ZMYND11: variants seen among roughly 807,000 people sequenced by gnomAD.
ZMYND11 encodes the protein zinc finger MYND domain-containing protein 11.
ZMYND11 carries 9 observed loss-of-function variants against 84.9 expected under a neutral mutation model. The ratio of observed to expected loss-of-function variants is 0.11; its 90% CI spans 0.06 to 0.18. ZMYND11 has a LOEUF of 0.18. Ranked by LOEUF, ZMYND11 falls within the 10% of genes least tolerant of loss-of-function variation. ZMYND11 has a pLI of 1.00. For missense variants in ZMYND11, 409 were observed against 761.0 expected (o/e 0.54, Z 5.44); for synonymous variants, 250 against 244.1 (o/e 1.02, Z -0.23).
chr10:241,917 T>TCAGTCAGTCCCAGAAAAAA, intron 9 of ZMYND11, 104 bp from the exon 10 acceptor site: 1 of 1,384,844 alleles, frequency 7.2e-7, no homozygotes, highest in Non-Finnish European at 9.9e-7. Context: ...ATGAAAGAAA[T>TCAGTCAGTCCCAGAAAAAA]ATTTTAGAAA....
chr10:246,693 A>G (rs1000026521), intron 10 of ZMYND11, 73 bp from the exon 11 acceptor site: 1 of 1,436,154 alleles, frequency 7.0e-7, no homozygotes, highest in Non-Finnish European at 9.7e-7. Flanking sequence ...GGCAGGGTCC[A>G]CTGAAGCCCT....
chr10:170,454 G>GTGTA (rs1845052783), intron 1 of ZMYND11, among the ~76,000 whole-genome samples: 1 of 133,024 alleles, frequency 7.5e-6, no homozygotes, highest in South Asian at 2.8e-4. Flanking sequence ...GTGTGTGTGT[G>GTGTA]TGCGTGCTTA....
At chr10:154,349 C>T (rs1841169760) in intron 1 of ZMYND11, among the ~76,000 whole-genome samples, 1 of 152,180 alleles carries the variant, frequency 6.6e-6, no homozygotes, top group Admixed American at 6.5e-5. Context: ...CACTTAGGAA[C>T]ACTAGCACTT....
intron 4 of ZMYND11, among the ~76,000 whole-genome samples, chr10:232,509 C>T (rs1949177563): frequency 6.6e-6 from 1 of 152,092 alleles, no homozygotes; most frequent in Admixed American, 6.5e-5. Context: ...TTGTTTGTGT[C>T]AGTTCAGCGA....
chr10:171,475 A>G (rs1457674870), intron 1 of ZMYND11, among the ~76,000 whole-genome samples: 1 of 152,200 alleles, frequency 6.6e-6, no homozygotes, highest in Non-Finnish European at 1.5e-5. Flanking sequence ...GTCAGACCAC[A>G]GTGGAATGAA....
intron 2 of ZMYND11, among the ~76,000 whole-genome samples, chr10:205,093 C>T (rs529457506): frequency 2.6e-5 from 4 of 152,140 alleles, no homozygotes; most frequent in Admixed American, 2.0e-4. Context: ...AAGTAACTTA[C>T]GAATATGTCT....
At chr10:143,876 C>T (rs1246601284) in intron 1 of ZMYND11, among the ~76,000 whole-genome samples, 1 of 152,038 alleles carries the variant, frequency 6.6e-6, no homozygotes, top group Non-Finnish European at 1.5e-5. Flanking sequence ...AGGTAGCTCA[C>T]GCCTGTCATC....
At chr10:176,062 G>C (rs1275758969) in intron 1 of ZMYND11, among the ~76,000 whole-genome samples, 3 of 152,076 alleles carry the variant, frequency 2.0e-5, no homozygotes, top group Admixed American at 6.6e-5. Context: ...GCAACTTCTT[G>C]TTTAATTTTG....
chr10:158,418 T>A lies in ZMYND11; in HGVS notation c.-19-21576T>A, dbSNP rs536516968. ...TATTCCTTTTTGTCTTTTCCTTTTT[T>A]TTTTTTTTTTTTTATTTTGACACAG... On this transcript the variant is annotated intron_variant, in intron 1 of 14. Transcript: ENST00000381604. 9.3e-5 allele frequency among the ~76,000 whole-genome samples: 14 copies of A among 150,972 alleles called. No homozygotes were observed. In the East Asian group the frequency reaches 1.5e-3, roughly 17 times the overall value.
At chr10:217,475 ATT>A (rs1451149070) in intron 3 of ZMYND11, among the ~76,000 whole-genome samples, 1 of 150,900 alleles carries the variant, frequency 6.6e-6, no homozygotes, top group Non-Finnish European at 1.5e-5. Flanking sequence ...GTGAGCCGAG[ATT>A]TCGCCGTTGC....
At chr10:229,087 G>C (rs1049074983) in intron 4 of ZMYND11, among the ~76,000 whole-genome samples, 1 of 152,140 alleles carries the variant, frequency 6.6e-6, no homozygotes, top group Non-Finnish European at 1.5e-5. Flanking sequence ...CTGCTACAAA[G>C]CTGCTCATAT....
At chr10:183,245 T>G (rs1326057741) in intron 2 of ZMYND11, among the ~76,000 whole-genome samples, 2 of 150,990 alleles carry the variant, frequency 1.3e-5, no homozygotes, top group Non-Finnish European at 3.0e-5. Flanking sequence ...TTTTTGGAAC[T>G]GATTGAAGAA....
chr10:204,242 A>G (rs945420813), intron 2 of ZMYND11, among the ~76,000 whole-genome samples: 2 of 152,168 alleles, frequency 1.3e-5, no homozygotes, highest in Non-Finnish European at 2.9e-5. Flanking sequence ...CAGTCTTTCT[A>G]CCAATAATGT....
chr10:233,828 A>G (rs1215727244), intron 4 of ZMYND11, among the ~76,000 whole-genome samples: 1 of 152,232 alleles, frequency 6.6e-6, no homozygotes, highest in African/African-American at 2.4e-5. Context: ...AGCATGAACT[A>G]TATGCATTCT....
At chr10:239,847 T>G in intron 7 of ZMYND11, 1 of 559,456 alleles carries the variant, frequency 1.8e-6, no homozygotes, top group African/African-American at 1.9e-5. Flanking sequence ...AAAGGTAAGG[T>G]CATTCTCTAT....
chr10:200,760 A>G (rs1485558300), intron 2 of ZMYND11, among the ~76,000 whole-genome samples: 2 of 152,168 alleles, frequency 1.3e-5, no homozygotes, highest in Non-Finnish European at 2.9e-5. Context: ...TCTTTACTAC[A>G]TTGAGAATAA....
In ZMYND11 at chr10:169,080, C is replaced by G. The variant is rs140972209; in HGVS notation, c.-19-10914C>G. Reference sequence around the variant, plus strand: ...GCTTTCTGTTCTTAACAAAGCCTACCCTCAGGAGACATGGTATTACCAAAG... The same window carrying G: ...GCTTTCTGTTCTTAACAAAGCCTACGCTCAGGAGACATGGTATTACCAAAG... On this transcript the variant is annotated intron_variant, in intron 1 of 14. Coordinates refer to ENST00000381604, the MANE Select transcript of ZMYND11 (RefSeq NM_001370100.5). 4.4e-3 allele frequency among the ~76,000 whole-genome samples: 672 copies of G among 152,140 alleles called. 4 individuals carry two copies. The highest frequency in any genetic ancestry group is 0.016 in the African/African-American group (649 of 41,500).
chr10:137,675 T>C (rs1336684924), intron 1 of ZMYND11, among the ~76,000 whole-genome samples: 2 of 152,154 alleles, frequency 1.3e-5, no homozygotes, highest in African/African-American at 4.8e-5. Context: ...TTTCTGAATG[T>C]CTTTTTACAA....
intron 4 of ZMYND11, among the ~76,000 whole-genome samples, chr10:222,412 A>G (rs1407988697): frequency 6.6e-6 from 1 of 152,192 alleles, no homozygotes; most frequent in African/African-American, 2.4e-5. Flanking sequence ...AAAATGTTTA[A>G]TGATGACTTG....
Sources: gnomAD v4.1 joint callset for allele counts (sites outside exome capture counted in the v4.1 genomes callset) on GRCh38, gnomAD v4.1.1 for gene constraint, MANE v1.5 for transcripts, NCBI Gene and HGNC (gene_info 2026-07-23, HGNC 2026-07-21) for gene names.